The following PRR29 variants were observed in gnomAD, a reference collection of about 807,000 sequenced individuals.
PRR29 encodes the protein proline rich 29, also known as proline-rich protein 29.
Under a neutral mutation model 25.1 loss-of-function variants are expected in PRR29, and 20 were observed. The ratio of observed to expected loss-of-function variants is 0.80; its 90% CI spans 0.56 to 1.16. The LOEUF (loss-of-function observed/expected upper bound fraction) is 1.16. PRR29 is among the 50% of genes most tolerant of loss of function. The pLI is 0.00. For missense variants in PRR29, 238 were observed against 246.6 expected, an observed-to-expected ratio of 0.97 and a Z score of 0.23; for synonymous variants, 108 against 102.6, an observed-to-expected ratio of 1.05 and a Z score of -0.32.
Position 64,004,031 on chromosome 17 carries a change from C to G in PRR29, c.*2270C>G. On this transcript the variant is annotated 3_prime_UTR_variant, in exon 6 of 6. Coordinates refer to ENST00000412177, the MANE Select transcript of PRR29 (RefSeq NM_001164257.2). ...GCAGTCCCAGCAGCCTCCCCCTGGC[C>G]AGGGCCATCTCCTGTCACCATGGTG... 8.2e-7 allele frequency: 1 copy of G among 1,224,954 alleles called. No individual in the cohort carries two copies. The allele number at this position is 1,224,954 out of a possible 1,614,324, so 75.9% of individuals were successfully genotyped here.
rs1221280762 is a variant in PRR29, at chr17:64,002,192, T to G, written c.*431T>G. ...CTTTCCACAGCTTTGAAGGCCCCTT[T>G]GAGGTGGCTGGAGGGGCCCAGAGTG... On this transcript the variant is annotated 3_prime_UTR_variant, in exon 6 of 6. Transcript: ENST00000412177. The G allele has an allele frequency of 3.0e-6, 2 of 664,690 alleles. No individual in the cohort carries two copies. The highest frequency in any genetic ancestry group is 5.0e-6 in the Non-Finnish European group (2 of 399,056). The allele number at this position is 664,690 out of a possible 1,614,324, so 41.2% of individuals were successfully genotyped here. A position where few individuals can be genotyped will look rare whatever the true frequency, so the allele number is the denominator to read the frequency against.
chr17:64,004,057 T>A lies in PRR29; in HGVS notation c.*2296T>A. 1.0e-6 allele frequency: 1 copy of A among 995,084 alleles called. No individual in the cohort carries two copies. Among genetic ancestry groups the A allele is most frequent in the Non-Finnish European group, 1.5e-6 (1 of 684,936 alleles). The allele number at this position is 995,084 out of a possible 1,614,324, so 61.6% of individuals were successfully genotyped here. A position where few individuals can be genotyped will look rare whatever the true frequency, so the allele number is the denominator to read the frequency against. On this transcript the variant is annotated 3_prime_UTR_variant, in exon 6 of 6. Transcript: ENST00000412177. ...AGGGCCATCTCCTGTCACCATGGTGTTCCACGGTTGGGGAGGAGGTGGCCT... is the reference window on the plus strand; with the variant it reads ...AGGGCCATCTCCTGTCACCATGGTGATCCACGGTTGGGGAGGAGGTGGCCT...
intron 2 of PRR29, 22 bp downstream of exon 2, chr17:63,998,804 A>ACCCCCCCCC: frequency 2.2e-6 from 1 of 452,788 alleles, no homozygotes; most frequent in Non-Finnish European, 3.3e-6. Context: ...GGGTCCCCCC[A>ACCCCCCCCC]CCCCACCCCC....
intron 3 of PRR29, 48 bp downstream of exon 3, chr17:63,999,122 T>C: frequency 7.1e-7 from 1 of 1,399,390 alleles, no homozygotes; most frequent in Non-Finnish European, 9.8e-7. Flanking sequence ...GGTCCAGGGA[T>C]GCGGATCCAC....
rs761452419 is a variant in PRR29, at chr17:64,002,714, C to A, written c.*953C>A. On this transcript the variant is annotated 3_prime_UTR_variant, in exon 6 of 6. Transcript: ENST00000412177. The stretch of plus-strand genomic sequence containing the variant: ...GAGGAGTCACACTGAGTTCCAGTGA[C>A]CACCGTGGTGGTGGCCATGCCACTC... The A allele has an allele frequency of 3.1e-6, 5 of 1,595,500 alleles. No homozygotes were observed. Among genetic ancestry groups the A allele is most frequent in the Non-Finnish European group, 4.3e-6 (5 of 1,170,702 alleles).
Position 64,004,209 on chromosome 17 carries a change from CAGCCAACTGGAAA to C in PRR29, c.*2449_*2461del. ...ACAAGGACAAGGTTCAGAAATTGTA[CAGCCAACTGGAAA>C]GATATAAAAGTTTGGGTCTGTCTCC... On this transcript the variant is annotated 3_prime_UTR_variant, in exon 6 of 6. Transcript: ENST00000412177. The C allele has an allele frequency of 2.0e-6, 1 of 511,730 alleles. No homozygotes were observed. The highest frequency in any genetic ancestry group is 3.0e-5 in the South Asian group (1 of 32,972). The allele number at this position is 511,730 out of a possible 1,614,324, so 31.7% of individuals were successfully genotyped here.
rs1232924253 is a variant in PRR29 at position 64,001,227 on chromosome 17, C to A, written c.387C>A (p.Pro129=). 1.3e-6 allele frequency: 2 copies of A among 1,537,338 alleles called. No individual in the cohort carries two copies. The highest frequency in any genetic ancestry group is 1.7e-6 in the Non-Finnish European group (2 of 1,146,964). ...SPGALLPWPA[P]FFPTPACQPY... is the part of the protein sequence containing the mutation. ...GTGCCCTGCTGCCCTGGCCAGCCCC[C>A]TTCTTCCCCACCCCTGCTTGTCAGC... Residue 129 remains proline, a synonymous_variant, in exon 4 of 6, where the codon CCC becomes CCA. Transcript: ENST00000412177.
At chr17:64,001,614 G>A in intron 5 of PRR29, 77 bp downstream of exon 5, 1 of 1,494,924 alleles carries the variant, frequency 6.7e-7, no homozygotes, top group Non-Finnish European at 8.9e-7. Context: ...GTGCCCTCTG[G>A]TGGGGTTTGG....
intron 2 of PRR29, 27 bp downstream of exon 2, chr17:63,998,809 A>AC: frequency 4.6e-6 from 2 of 434,290 alleles, no homozygotes; most frequent in South Asian, 2.4e-5. Context: ...CCCCCACCCC[A>AC]CCCCCACCAT....
At chr17:64,001,006 A>G (rs1430051525) in intron 3 of PRR29, 78 bp from the exon 4 acceptor site, 1 of 1,197,296 alleles carries the variant, frequency 8.4e-7, no homozygotes, top group African/African-American at 1.5e-5. Context: ...GAAATAACTT[A>G]GGGGAATGGA....
In PRR29 at chr17:63,998,769, C is replaced by T. The variant is rs1223573851; in HGVS notation, c.123C>T (p.Gly41=). 4.6e-6 allele frequency: 7 copies of T among 1,528,266 alleles called. No homozygotes were observed. Among genetic ancestry groups the T allele is most frequent in the Non-Finnish European group, 5.3e-6 (6 of 1,141,640 alleles). 94.7% of individuals were successfully genotyped at this position (1,528,266 alleles called of 1,614,324 possible). ...TCCCACCTGCGCCCCCGCAGCCAGG[C>T]CGCGTGAAGGAAGGTGAGACTCCCG... is the stretch of plus-strand genomic sequence containing the variant. The part of the protein sequence containing the change: ...WAVPPAPPQP[G]RVKEDLLELM... Residue 41 remains glycine, a synonymous_variant, in exon 2 of 6, where the codon GGC becomes GGT. Coordinates refer to ENST00000412177, the MANE Select transcript of PRR29 (RefSeq NM_001164257.2).
In PRR29 at chr17:64,002,313, G is replaced by A. The variant is rs2143156855; in HGVS notation, c.*552G>A. ...CAGGAAGCAGCTCTGTTGGCAGAAAGGAGAGGTCAGAGCTTTGTCCTGCTG... is the reference window on the plus strand; with the variant it reads ...CAGGAAGCAGCTCTGTTGGCAGAAAAGAGAGGTCAGAGCTTTGTCCTGCTG... On this transcript the variant is annotated 3_prime_UTR_variant, in exon 6 of 6. Transcript: ENST00000412177. 1 of 458,602 alleles carries A rather than the reference G, an allele frequency of 2.2e-6. No homozygotes were observed. The highest frequency in any genetic ancestry group is 2.4e-5 in the South Asian group (1 of 41,318). 28.4% of individuals were successfully genotyped at this position (458,602 alleles called of 1,614,324 possible).
rs1322085966 is a variant in PRR29 at position 64,003,613 on chromosome 17, C to T, written c.*1852C>T. 1 of 1,591,774 alleles carries T rather than the reference C, an allele frequency of 6.3e-7. No homozygotes were observed. Among genetic ancestry groups the T allele is most frequent in the African/African-American group, 1.3e-5 (1 of 74,780 alleles). On this transcript the variant is annotated 3_prime_UTR_variant, in exon 6 of 6. Coordinates refer to ENST00000412177, the MANE Select transcript of PRR29 (RefSeq NM_001164257.2). ...CCGAGGGGCTGAAAGTGACTTATCA[C>T]TCCCAACTCCATCCACGGATCCCCC...
chr17:63,998,536 C>T, intron 1 of PRR29, 112 bp downstream of exon 1: 2 of 1,286,436 alleles, frequency 1.6e-6, no homozygotes, highest in East Asian at 2.6e-5. Context: ...GAGAGACAGC[C>T]CCAAACCGAG....
Position 64,002,445 on chromosome 17 carries a change from A to C in PRR29, c.*684A>C, listed in dbSNP as rs1490420318. The stretch of plus-strand genomic sequence containing the variant: ...CACCCTCCCTCAGTAGCAATGAGCT[A>C]CTCGGGCCAGATGGGGGCCTGTTGC... On this transcript the variant is annotated 3_prime_UTR_variant, in exon 6 of 6. Transcript: ENST00000412177. The C allele has an allele frequency of 4.4e-6, 2 of 450,384 alleles. No individual in the cohort carries two copies. The highest frequency in any genetic ancestry group is 8.1e-6 in the Non-Finnish European group (2 of 245,632). 27.9% of individuals were successfully genotyped at this position (450,384 alleles called of 1,614,324 possible).
At position 63,998,447 on chromosome 17, in the gene PRR29, G is replaced by A. The variant is rs779890451; in HGVS notation, c.60+23G>A. 5.7e-5 allele frequency: 83 copies of A among 1,465,944 alleles called. No individual in the cohort carries two copies. The South Asian group carries it at 5.7e-4, about 10-fold the overall frequency. The allele number at this position is 1,465,944 out of a possible 1,614,324, so 90.8% of individuals were successfully genotyped here. A position where few individuals can be genotyped will look rare whatever the true frequency, so the allele number is the denominator to read the frequency against. ...ACGGTGAGGGCTGAGCCCGGGAGCA[G>A]ATCCTGCCTTAGCTTGGGAGACGGC... is the stretch of plus-strand genomic sequence containing the variant. On this transcript the variant is annotated intron_variant, in intron 1 of 5. Coordinates refer to ENST00000412177, the MANE Select transcript of PRR29 (RefSeq NM_001164257.2).
chr17:64,004,026 CT>C lies in PRR29; in HGVS notation c.*2266del, dbSNP rs1174931617. On this transcript the variant is annotated 3_prime_UTR_variant, in exon 6 of 6. Transcript: ENST00000412177. ...GGGGTGCAGTCCCAGCAGCCTCCCC[CT>C]GGCCAGGGCCATCTCCTGTCACCAT... 8 of 1,278,890 alleles carry C rather than the reference CT, an allele frequency of 6.3e-6. No homozygotes were observed. Among genetic ancestry groups the C allele is most frequent in the Non-Finnish European group, 8.6e-6 (8 of 928,124 alleles). 79.2% of individuals were successfully genotyped at this position (1,278,890 alleles called of 1,614,324 possible).
Position 64,001,493 on chromosome 17 carries a change from C to G in PRR29, c.497C>G (p.Pro166Arg). Residue 166 changes from proline to arginine, a missense_variant, in exon 5 of 6, where the codon CCC becomes CGC. Physicochemically the swap from Pro to Arg is moderately radical, Grantham distance 103. Coordinates refer to ENST00000412177, the MANE Select transcript of PRR29 (RefSeq NM_001164257.2). The part of the protein sequence containing the change: ...EVRAVPPPPP[P>R]SATGTVGADV... ...AGAGCTGTGCCCCCACCCCCACCCC[C>G]CAGTGCCACAGGGACTGTGGGTGCT... 4.7e-6 allele frequency: 7 copies of G among 1,494,580 alleles called. No homozygotes were observed. The highest frequency in any genetic ancestry group is 5.3e-6 in the Non-Finnish European group (6 of 1,128,256). The allele number at this position is 1,494,580 out of a possible 1,614,324, so 92.6% of individuals were successfully genotyped here.
rs985131498 is a variant in PRR29, at chr17:64,002,199, G to A, written c.*438G>A. Reference sequence around the variant, plus strand: ...CAGCTTTGAAGGCCCCTTTGAGGTGGCTGGAGGGGCCCAGAGTGGTCGGGG... The same window carrying A: ...CAGCTTTGAAGGCCCCTTTGAGGTGACTGGAGGGGCCCAGAGTGGTCGGGG... On this transcript the variant is annotated 3_prime_UTR_variant, in exon 6 of 6. Coordinates refer to ENST00000412177, the MANE Select transcript of PRR29 (RefSeq NM_001164257.2). 1.6e-6 allele frequency: 1 copy of A among 643,916 alleles called. No individual in the cohort carries two copies. Among genetic ancestry groups the A allele is most frequent in the Non-Finnish European group, 2.6e-6 (1 of 380,568 alleles). 39.9% of individuals were successfully genotyped at this position (643,916 alleles called of 1,614,324 possible). A position where few individuals can be genotyped will look rare whatever the true frequency, so the allele number is the denominator to read the frequency against.
Sources: allele counts gnomAD v4.1 joint callset, GRCh38; gene constraint gnomAD v4.1.1; transcripts MANE v1.5; gene names NCBI Gene and HGNC (gene_info 2026-07-23, HGNC 2026-07-21).